GAD2: variants seen among roughly 807,000 people sequenced by gnomAD.
GAD2 encodes the protein glutamate decarboxylase 2, also known as 65 kDa glutamic acid decarboxylase.
In GAD2, 22 loss-of-function variants were observed where a neutral mutation model predicts 80.1. The observed-to-expected ratio is 0.27, with a 90% CI of 0.20 to 0.39. The LOEUF (loss-of-function observed/expected upper bound fraction) is 0.39, where lower values mean the gene tolerates loss of function less well. Among genes scored for constraint, GAD2 ranks in the 10% least tolerant of loss-of-function variants. The pLI, the probability that GAD2 is intolerant of heterozygous loss-of-function variation, is 1.00. For synonymous variants in GAD2, 274 were observed against 256.9 expected (o/e 1.07, Z -0.64); for missense variants, 624 against 738.4 (o/e 0.85, Z 1.80).
intron 15 of GAD2, among the ~76,000 whole-genome samples, chr10:26,294,944 C>A (rs541316792): frequency 6.6e-6 from 1 of 152,302 alleles, no homozygotes; most frequent in East Asian, 1.9e-4. Context: ...TGCCTCCATT[C>A]TTTTTGGCTT....
intron 8 of GAD2, among the ~76,000 whole-genome samples, chr10:26,259,014 C>T (rs1258339531): frequency 6.6e-6 from 1 of 152,100 alleles, no homozygotes; most frequent in Non-Finnish European, 1.5e-5. Flanking sequence ...GACAGGGTTT[C>T]ACCATATTGG....
Position 26,219,116 on chromosome 10 carries a change from G to A in GAD2, c.360G>A (p.Gln120=). The change falls in exon 4 of 16, where the codon CAG becomes CAA. Residue 120 remains glutamine, a synonymous_variant. Transcript: ENST00000376261. ...FLQDVMNILL[Q]YVVKSFDRST... is the part of the protein sequence containing the mutation. ...AAGATGTTATGAACATTTTACTTCA[G>A]TATGTGGTGAAAAGTTTCGATAGAT... is the stretch of plus-strand genomic sequence containing the variant. 2 of 1,613,280 alleles carry A rather than the reference G, an allele frequency of 1.2e-6. No individual in the cohort carries two copies. The highest frequency in any genetic ancestry group is 1.1e-5 in the South Asian group (1 of 90,840).
rs759246972 is a variant in GAD2 at position 26,281,080 on chromosome 10, G to C, written c.1229G>C (p.Arg410Thr). Residue 410 changes from arginine to threonine, a missense_variant, in exon 12 of 16, where the codon AGA becomes ACA. Transcript: ENST00000376261. The part of the protein sequence containing the change: ...VPLQCSALLV[R>T]EEGLMQNCNQ... ...TTGCAGTGCTCTGCTCTCCTGGTTA[G>C]AGAAGAGGTATGTCTCTCTTGACTC... is the stretch of plus-strand genomic sequence containing the variant. 6.2e-7 allele frequency: 1 copy of C among 1,611,860 alleles called. No individual in the cohort carries two copies. The highest frequency in any genetic ancestry group is 1.1e-5 in the South Asian group (1 of 91,022).
In GAD2 at chr10:26,218,551, T is replaced by A. The variant is rs3138541; in HGVS notation, c.287-492T>A. Among the ~76,000 whole-genome samples the A allele has an allele frequency of 8.6e-3, 1,028 of 118,846 alleles. 6 individuals are homozygous for A. The highest frequency in any genetic ancestry group is 0.016 in the South Asian group (51 of 3,172). 78.0% of individuals were successfully genotyped at this position (118,846 alleles called of 152,430 possible). A position where few individuals can be genotyped will look rare whatever the true frequency, so the allele number is the denominator to read the frequency against. ...CATGCATACGCTCTCTCTCTCTCTC[T>A]CACACACACACACACACACACACAC... On this transcript the variant is annotated intron_variant, in intron 3 of 15. Coordinates refer to ENST00000376261, the MANE Select transcript of GAD2 (RefSeq NM_001134366.2).
chr10:26,217,701 C>A lies in GAD2; in HGVS notation c.136+32C>A. ...GCCCAGGGACCGGGGCGGCCAAGGT[C>A]GGCCCGCGGGGTCCAAGCAGTCTTC... On this transcript the variant is annotated intron_variant, in intron 2 of 15. Coordinates refer to ENST00000376261, the MANE Select transcript of GAD2 (RefSeq NM_001134366.2). This position sits in a 1 kb window ranked among gnomAD's most constrained non-coding sequence, Gnocchi z 4.9. 1 of 1,609,440 alleles carries A rather than the reference C, an allele frequency of 6.2e-7. No homozygotes were observed. The highest frequency in any genetic ancestry group is 8.5e-7 in the Non-Finnish European group (1 of 1,177,692).
chr10:26,285,529 C>T (rs1057287145), intron 12 of GAD2, among the ~76,000 whole-genome samples: 5 of 152,166 alleles, frequency 3.3e-5, no homozygotes, highest in Admixed American at 1.3e-4. Flanking sequence ...CTATTTTAGT[C>T]GGAAAACATG....
At position 26,302,425 on chromosome 10, in the gene GAD2, G is replaced by A. The variant is rs1834337334; in HGVS notation, c.*1464G>A. 6.6e-6 allele frequency: 1 copy of A among 152,086 alleles called. No individual in the cohort carries two copies. Among genetic ancestry groups the A allele is most frequent in the Non-Finnish European group, 1.5e-5 (1 of 68,022 alleles). The allele number at this position is 152,086 out of a possible 1,614,324, so 9.4% of individuals were successfully genotyped here. ...ATTTTTAAAACATCCTTCTTTCCCTGTGAACCTGATAGAAAAACATGAGCT... is the reference window on the plus strand; with the variant it reads ...ATTTTTAAAACATCCTTCTTTCCCTATGAACCTGATAGAAAAACATGAGCT... On this transcript the variant is annotated 3_prime_UTR_variant, in exon 16 of 16. Transcript: ENST00000376261.
intron 7 of GAD2, among the ~76,000 whole-genome samples, chr10:26,242,867 C>G (rs184982985): frequency 6.6e-6 from 1 of 152,252 alleles, no homozygotes; most frequent in East Asian, 1.9e-4. Flanking sequence ...CCCCAGTTCG[C>G]CTTTTTGCAG....
intron 12 of GAD2, among the ~76,000 whole-genome samples, chr10:26,282,803 C>T (rs1011370360): frequency 1.3e-5 from 2 of 152,150 alleles, no homozygotes; most frequent in Admixed American, 6.5e-5. Context: ...TTACACAGCA[C>T]GCCTTCTGTG....
intron 13 of GAD2, among the ~76,000 whole-genome samples, chr10:26,291,260 A>C (rs1026267860): frequency 6.6e-6 from 1 of 152,196 alleles, no homozygotes; most frequent in African/African-American, 2.4e-5. Context: ...AAGTGAACCC[A>C]AACTGTCAGG....
chr10:26,300,942 G>T lies in GAD2; in HGVS notation c.1739G>T (p.Arg580Leu). 6.2e-7 allele frequency: 1 copy of T among 1,613,564 alleles called. No homozygotes were observed. Among genetic ancestry groups the T allele is most frequent in the Non-Finnish European group, 8.5e-7 (1 of 1,179,722 alleles). ...GACTTCCTGATTGAAGAAATAGAAC[G>T]CCTTGGACAAGATTTATAATAACCT... The part of the protein sequence containing the change: ...DIDFLIEEIE[R>L]LGQDL Residue 580 changes from arginine to leucine, a missense_variant, in exon 16 of 16, where the codon CGC (arginine) becomes CTC (leucine). Arg to Leu is a moderately radical substitution (Grantham distance 102). Transcript: ENST00000376261.
chr10:26,241,300 G>A, intron 7 of GAD2, among the ~76,000 whole-genome samples: 1 of 152,142 alleles, frequency 6.6e-6, no homozygotes, highest in South Asian at 2.1e-4. Flanking sequence ...CATTACAAGA[G>A]TCTTGATTAT....
At chr10:26,221,876 A>C (rs1302061850) in intron 4 of GAD2, among the ~76,000 whole-genome samples, 1 of 152,228 alleles carries the variant, frequency 6.6e-6, no homozygotes, top group Non-Finnish European at 1.5e-5. Context: ...GCAGGAGGCC[A>C]AGGGCTGCAG....
chr10:26,248,895 C>A (rs1009788103), intron 8 of GAD2, among the ~76,000 whole-genome samples: 1 of 152,070 alleles, frequency 6.6e-6, no homozygotes, highest in Admixed American at 6.5e-5. Context: ...AACAAGGTAA[C>A]TGGAAATAAT....
chr10:26,297,579 C>A (rs1431672798), intron 15 of GAD2, among the ~76,000 whole-genome samples: 1 of 152,136 alleles, frequency 6.6e-6, no homozygotes, highest in African/African-American at 2.4e-5. Context: ...TCTCAACTTG[C>A]GTTCTTTATT....
intron 4 of GAD2, among the ~76,000 whole-genome samples, chr10:26,219,974 A>T (rs963031726): frequency 6.6e-6 from 1 of 152,196 alleles, no homozygotes; most frequent in African/African-American, 2.4e-5. Context: ...AAATTTTTTT[A>T]AATGTACTTT....
At chr10:26,247,768 C>A (rs7077030) in intron 8 of GAD2, among the ~76,000 whole-genome samples, 3,534 of 151,414 alleles carry the variant, frequency 0.023, 129 homozygotes, top group African/African-American at 0.08. Context: ...TGGTGATGTG[C>A]GCCTGTGGTC....
chr10:26,223,802 G>GT, intron 4 of GAD2, 85 bp from the exon 5 acceptor site: 1 of 835,206 alleles, frequency 1.2e-6, no homozygotes, highest in East Asian at 2.5e-5. Flanking sequence ...ATCTTTCAAG[G>GT]TCCTTTAGCT....
chr10:26,235,969 C>T (rs1195301008), intron 7 of GAD2, among the ~76,000 whole-genome samples: 2 of 152,186 alleles, frequency 1.3e-5, no homozygotes, highest in Non-Finnish European at 2.9e-5. Context: ...AGGCAAATCA[C>T]CGTAACTAAT....
Sources: allele counts gnomAD v4.1 joint callset (sites outside exome capture counted in the v4.1 genomes callset), GRCh38; gene constraint gnomAD v4.1.1; non-coding constraint Gnocchi (gnomAD v3.1); transcripts MANE v1.5; gene names NCBI Gene and HGNC (gene_info 2026-07-23, HGNC 2026-07-21).